The following ERI3 variants were observed in gnomAD, a reference collection of about 807,000 sequenced individuals.
The protein encoded by ERI3 is ERI1 exoribonuclease family member 3, also known as ERI1 exoribonuclease 3.
ERI3 carries 18 observed loss-of-function variants against 44.4 expected under a neutral mutation model. That is an observed-to-expected ratio of 0.41 (90% CI 0.28 to 0.60). The LOEUF is 0.60. Among genes scored for constraint, ERI3 ranks in the 20% least tolerant of loss-of-function variants. The pLI, the probability that ERI3 is intolerant of heterozygous loss-of-function variation, is 0.36. For missense variants in ERI3, 294 were observed against 435.5 expected (o/e 0.68, Z 2.89); for synonymous variants, 183 against 164.8 (o/e 1.11, Z -0.84).
Position 44,345,437 on chromosome 1 carries a change from G to A in ERI3, c.212-6115C>T, listed in dbSNP as rs191304134. On this transcript the variant is annotated intron_variant, in intron 2 of 8. Transcript: ENST00000372257. ...GACTAGGAGGCAGGGATACATCCAAGTAACTCCAAGTTACCTGCAACAGGT... is the reference window on the plus strand; with the variant it reads ...GACTAGGAGGCAGGGATACATCCAAATAACTCCAAGTTACCTGCAACAGGT... 5.1e-4 allele frequency among the ~76,000 whole-genome samples: 77 copies of A among 152,310 alleles called. 1 individual carries two copies. In the South Asian group the frequency reaches 8.7e-3, roughly 17 times the overall value.
At chr1:44,312,692 A>G (rs1645998649) in intron 5 of ERI3, among the ~76,000 whole-genome samples, 1 of 152,272 alleles carries the variant, frequency 6.6e-6, no homozygotes, top group African/African-American at 2.4e-5. Flanking sequence ...AGGCGGGCCC[A>G]GCCACAGCTC....
intron 2 of ERI3, 47 bp from the exon 3 acceptor site, chr1:44,339,369 A>C: frequency 3.7e-5 from 22 of 591,468 alleles, no homozygotes; most frequent in East Asian, 6.3e-5. Flanking sequence ...GAAAAGAAAG[A>C]AAAAAAAAAA....
chr1:44,299,967 C>T (rs1360918725), intron 6 of ERI3, among the ~76,000 whole-genome samples: 1 of 152,122 alleles, frequency 6.6e-6, no homozygotes, highest in Non-Finnish European at 1.5e-5. Context: ...ACAAACCAGG[C>T]AGAGACCGGC....
At chr1:44,292,609 C>T (rs1262757481) in intron 6 of ERI3, among the ~76,000 whole-genome samples, 1 of 152,198 alleles carries the variant, frequency 6.6e-6, no homozygotes, top group Non-Finnish European at 1.5e-5. Flanking sequence ...CACTCAGAGA[C>T]TCAGCTGCAA....
chr1:44,225,312 T>TA (rs1644010305), intron 8 of ERI3, among the ~76,000 whole-genome samples: 1 of 152,154 alleles, frequency 6.6e-6, no homozygotes, highest in South Asian at 2.1e-4. Flanking sequence ...CTTGCTCTGT[T>TA]GCCCAGGCTG....
intron 4 of ERI3, among the ~76,000 whole-genome samples, chr1:44,316,850 T>C (rs981265949): frequency 1.3e-5 from 2 of 152,104 alleles, no homozygotes; most frequent in African/African-American, 4.8e-5. Flanking sequence ...AGAGACTTGA[T>C]GAACTGGAGC....
chr1:44,354,798 C>CA (rs1646964252), intron 1 of ERI3, 94 bp downstream of exon 1: 1 of 1,293,306 alleles, frequency 7.7e-7, no homozygotes, highest in African/African-American at 1.5e-5. Flanking sequence ...CATGGGCCAG[C>CA]ACCCCAGGTT....
chr1:44,234,805 G>A (rs552039875), intron 8 of ERI3, among the ~76,000 whole-genome samples: 7 of 151,990 alleles, frequency 4.6e-5, no homozygotes, highest in Admixed American at 1.3e-4. Flanking sequence ...GTGCAGTGGC[G>A]TGATCTCAGC....
chr1:44,225,582 G>C (rs1644018396), intron 8 of ERI3, among the ~76,000 whole-genome samples: 1 of 152,196 alleles, frequency 6.6e-6, no homozygotes, highest in Non-Finnish European at 1.5e-5. Flanking sequence ...AAATCCCTGA[G>C]AGAAGATTAG....
intron 8 of ERI3, among the ~76,000 whole-genome samples, chr1:44,239,602 C>T (rs1644388443): frequency 6.6e-6 from 1 of 152,232 alleles, no homozygotes; most frequent in Admixed American, 6.5e-5. Flanking sequence ...TGGGGCTCAG[C>T]TGGCCTGGCC....
At chr1:44,270,632 C>G (rs902504026) in intron 7 of ERI3, among the ~76,000 whole-genome samples, 2 of 152,160 alleles carry the variant, frequency 1.3e-5, no homozygotes, top group African/African-American at 4.8e-5. Context: ...GGGACTAGGA[C>G]TAAGAGGCTG....
At chr1:44,334,103 A>T (rs1192196033) in intron 3 of ERI3, among the ~76,000 whole-genome samples, 1 of 152,238 alleles carries the variant, frequency 6.6e-6, no homozygotes, top group Admixed American at 6.5e-5. Flanking sequence ...GGATGGCCAG[A>T]GGACTTGGGG....
intron 1 of ERI3, chr1:44,354,428 G>C (rs1407845083): frequency 7.1e-6 from 7 of 985,258 alleles, no homozygotes; most frequent in Non-Finnish European, 8.4e-6. Context: ...CCAAGTTCAT[G>C]CTTTTTTTAA....
chr1:44,328,846 C>G (rs938552004), intron 3 of ERI3, among the ~76,000 whole-genome samples: 1 of 152,146 alleles, frequency 6.6e-6, no homozygotes, highest in African/African-American at 2.4e-5. Context: ...TTTAAGCACC[C>G]GAGTCAAGCC....
At chr1:44,288,362 T>C (rs925240373) in intron 6 of ERI3, among the ~76,000 whole-genome samples, 19 of 152,180 alleles carry the variant, frequency 1.2e-4, no homozygotes, top group African/African-American at 4.6e-4. Flanking sequence ...CCTAGCCCTG[T>C]GACTCCAAGA....
chr1:44,315,024 C>A (rs1198378712), intron 4 of ERI3, among the ~76,000 whole-genome samples: 1 of 152,258 alleles, frequency 6.6e-6, no homozygotes, highest in Non-Finnish European at 1.5e-5. Flanking sequence ...CACAGGCCCA[C>A]CGCTGCCCAT....
chr1:44,249,992 G>A (rs1644641734), intron 7 of ERI3, among the ~76,000 whole-genome samples: 1 of 151,830 alleles, frequency 6.6e-6, no homozygotes, highest in Non-Finnish European at 1.5e-5. Flanking sequence ...GAAGGAAGGG[G>A]GAAAAAAGAA....
chr1:44,301,740 G>A (rs1645730984), intron 6 of ERI3, among the ~76,000 whole-genome samples: 1 of 152,340 alleles, frequency 6.6e-6, no homozygotes, highest in East Asian at 1.9e-4. Context: ...TCCAATGGCT[G>A]AGGAGGAATT....
intron 7 of ERI3, among the ~76,000 whole-genome samples, chr1:44,276,860 A>C (rs1295605319): frequency 6.6e-6 from 1 of 152,134 alleles, no homozygotes; most frequent in African/African-American, 2.4e-5. Context: ...AATGAATCTA[A>C]ATGTCTACTT....
Sources: gnomAD v4.1 joint callset for allele counts (sites outside exome capture counted in the v4.1 genomes callset) on GRCh38, gnomAD v4.1.1 for gene constraint, MANE v1.5 for transcripts, NCBI Gene and HGNC (gene_info 2026-07-23, HGNC 2026-07-21) for gene names.